Variants in TUT4 observed in about 807,000 individuals in gnomAD.
The protein encoded by TUT4 is terminal uridylyl transferase 4.
In TUT4, 36 loss-of-function variants were observed where a neutral mutation model predicts 192.2. The ratio of observed to expected loss-of-function variants is 0.19; its 90% confidence interval spans 0.14 to 0.25. The LOEUF (loss-of-function observed/expected upper bound fraction) is 0.25. Among genes scored for constraint, TUT4 ranks in the 10% least tolerant of loss-of-function variants. The pLI is 1.00. For synonymous variants in TUT4, 618 were observed against 666.0 expected (o/e 0.93, Z 1.11); for missense variants, 1,493 against 1,957.2 (o/e 0.76, Z 4.47).
chr1:52,433,648 G>A (rs1031781983), intron 27 of TUT4: 1 of 152,188 alleles, frequency 6.6e-6, no homozygotes, highest in African/African-American at 2.4e-5. Context: ...GAAAATTAGG[G>A]CAGCATAGAA....
At chr1:52,456,108 A>G (rs1660856073) in intron 20 of TUT4, among the ~76,000 whole-genome samples, 1 of 152,176 alleles carries the variant, frequency 6.6e-6, no homozygotes, top group Non-Finnish European at 1.5e-5. Flanking sequence ...ACTGAGCACT[A>G]AAAAGAAATG....
chr1:52,521,724 G>A (rs1246341515), intron 2 of TUT4, among the ~76,000 whole-genome samples: 1 of 151,922 alleles, frequency 6.6e-6, no homozygotes, highest in Non-Finnish European at 1.5e-5. Flanking sequence ...CCAGCACTTT[G>A]GGAGGCCAAG....
intron 11 of TUT4, among the ~76,000 whole-genome samples, chr1:52,480,603 A>C (rs1382091141): frequency 6.6e-6 from 1 of 152,188 alleles, no homozygotes; most frequent in Non-Finnish European, 1.5e-5. Flanking sequence ...ACAGTGGGAG[A>C]AGTAAGAGCA....
chr1:52,427,466 G>A (rs1650363798), intron 28 of TUT4, among the ~76,000 whole-genome samples: 1 of 152,266 alleles, frequency 6.6e-6, no homozygotes, highest in South Asian at 2.1e-4. Flanking sequence ...GGGGATGGAA[G>A]ACTTCAAATT....
At chr1:52,470,886 T>C (rs1665558293) in intron 14 of TUT4, among the ~76,000 whole-genome samples, 1 of 152,060 alleles carries the variant, frequency 6.6e-6, no homozygotes, top group Non-Finnish European at 1.5e-5. Flanking sequence ...AAACGTTTGC[T>C]GAATAAAGGC....
chr1:52,438,220 CT>C lies in TUT4; in HGVS notation c.3937del (p.Ser1313AlafsTer7). On this transcript the variant is annotated frameshift_variant and splice_region_variant, in exon 25 of 30. Coordinates refer to ENST00000257177, the MANE Select transcript of TUT4 (RefSeq NM_001009881.3). LOFTEE classifies it high-confidence loss of function. ...HYMKDCPKRKSSLLFRLKKKD... is the reference protein window; with the variant it reads ...HYMKDCPKRKXSLLFRLKKKD... ...TGTTGATATATATTCATTTGCCAAC[CT>C]TTTCCTTTTAGGGCAGTCTTTCATG... 6.2e-7 allele frequency: 1 copy of C among 1,607,592 alleles called. No homozygotes were observed.
intron 9 of TUT4, among the ~76,000 whole-genome samples, chr1:52,482,680 C>G (rs1454303023): frequency 6.6e-6 from 1 of 152,134 alleles, no homozygotes; most frequent in African/African-American, 2.4e-5. Context: ...AAAGATCTCC[C>G]CGCTCGGCCT....
intron 20 of TUT4, among the ~76,000 whole-genome samples, chr1:52,451,354 A>C (rs779899371): frequency 2.6e-5 from 4 of 152,204 alleles, no homozygotes; most frequent in African/African-American, 4.8e-5. Flanking sequence ...AATTTTAAAT[A>C]TCATCCAGTG....
At chr1:52,485,570 C>G (rs577438142) in intron 9 of TUT4, among the ~76,000 whole-genome samples, 3 of 152,042 alleles carry the variant, frequency 2.0e-5, no homozygotes, top group African/African-American at 4.8e-5. Flanking sequence ...TATTGTTTTG[C>G]CTTTGTTTTT....
intron 24 of TUT4, among the ~76,000 whole-genome samples, chr1:52,441,314 C>T (rs1454805050): frequency 1.5e-5 from 2 of 135,826 alleles, no homozygotes; most frequent in South Asian, 2.3e-4. Context: ...GACAGAGTGT[C>T]GTTCTGTTGC....
Position 52,518,047 on chromosome 1 carries a change from C to T in TUT4, c.719-1993G>A, listed in dbSNP as rs139007018. Among the ~76,000 whole-genome samples the T allele has an allele frequency of 5.3e-4, 80 of 152,258 alleles. No individual in the cohort carries two copies. In the East Asian group the frequency reaches 0.012, roughly 23 times the overall value. On this transcript the variant is annotated intron_variant, in intron 2 of 29. Transcript: ENST00000257177. ...TAAAACAAAATAATACCAGGCAGAACGTCCTAAATTGTGTTCCAAAAACAA... is the reference window on the plus strand; with the variant it reads ...TAAAACAAAATAATACCAGGCAGAATGTCCTAAATTGTGTTCCAAAAACAA...
At chr1:52,543,079 C>A (rs1331284407) in intron 1 of TUT4, among the ~76,000 whole-genome samples, 1 of 152,128 alleles carries the variant, frequency 6.6e-6, no homozygotes, top group Non-Finnish European at 1.5e-5. Context: ...CTGCTCAACA[C>A]AGTACTGGAA....
In TUT4 at chr1:52,488,512, G is replaced by T. The variant is rs115070996; in HGVS notation, c.1515+397C>A. The stretch of plus-strand genomic sequence containing the variant: ...TGTTATCAATGATTTAGAGGAAAGA[G>T]AATAGCATTCTTAGAGACTGGGGAA... On this transcript the variant is annotated intron_variant, in intron 9 of 29. Transcript: ENST00000257177. 4.6e-3 allele frequency among the ~76,000 whole-genome samples: 705 copies of T among 152,266 alleles called. 2 individuals are homozygous for T. The highest frequency in any genetic ancestry group is 7.7e-3 in the Non-Finnish European group (523 of 68,020).
chr1:52,431,305 T>A lies in TUT4; in HGVS notation c.4419A>T (p.Pro1473=), dbSNP rs1431549004. 1 of 1,614,036 alleles carries A rather than the reference T, an allele frequency of 6.2e-7. No homozygotes were observed. Among genetic ancestry groups the A allele is most frequent in the Non-Finnish European group, 8.5e-7 (1 of 1,179,978 alleles). Residue 1473 remains proline, a synonymous_variant, in exon 28 of 30, where the codon CCA becomes CCT. Coordinates refer to ENST00000257177, the MANE Select transcript of TUT4 (RefSeq NM_001009881.3). Reference sequence around the variant, plus strand: ...GTGGTGACTGGGGAAAGTTATACAGTGGCATCTGGACCTGATGGGGAGGTT... The same window carrying A: ...GTGGTGACTGGGGAAAGTTATACAGAGGCATCTGGACCTGATGGGGAGGTT... The part of the protein sequence containing the change: ...GAQPPHQVQM[P]LYNFPQSPPA...
At chr1:52,486,677 C>T (rs542298357) in intron 9 of TUT4, among the ~76,000 whole-genome samples, 6 of 152,166 alleles carry the variant, frequency 3.9e-5, no homozygotes, top group African/African-American at 7.2e-5. Flanking sequence ...ATGACAAAAA[C>T]GAGACATGTT....
intron 1 of TUT4, among the ~76,000 whole-genome samples, chr1:52,540,514 CAA>C (rs541547657): frequency 7.1e-5 from 8 of 112,962 alleles, no homozygotes; most frequent in Middle Eastern, 5.4e-3. Flanking sequence ...GACTCCGACT[CAA>C]AAAAAAAAAA....
chr1:52,525,807 T>C lies in TUT4; in HGVS notation c.474A>G (p.Ala158=). Residue 158 remains alanine, a synonymous_variant, in exon 2 of 30, where the codon GCA becomes GCG. Coordinates refer to ENST00000257177, the MANE Select transcript of TUT4 (RefSeq NM_001009881.3). ...MKSEKVPSSP[A]EAEKGPSLLL... Reference sequence around the variant, plus strand: ...GTAAACTGGGTCCCTTTTCTGCTTCTGCTGGTGAACTTGGTACTTTTTCTG... The same window carrying C: ...GTAAACTGGGTCCCTTTTCTGCTTCCGCTGGTGAACTTGGTACTTTTTCTG... 1 of 1,614,222 alleles carries C rather than the reference T, an allele frequency of 6.2e-7. No homozygotes were observed. Among genetic ancestry groups the C allele is most frequent in the Non-Finnish European group, 8.5e-7 (1 of 1,180,038 alleles).
chr1:52,475,100 G>A lies in TUT4; in HGVS notation c.2459C>T (p.Ala820Val), dbSNP rs1432592241. ...PKLDKKQDDL[A>V]PSETCLKKEL... Reference sequence around the variant, plus strand: ...TTTTTTTAAACAAGTTTCTGAAGGCGCTAAATCATCTTGTTTCTTATCTAA... The same window carrying A: ...TTTTTTTAAACAAGTTTCTGAAGGCACTAAATCATCTTGTTTCTTATCTAA... The change falls in exon 13 of 30, where the codon GCG (alanine) becomes GTG (valine). Residue 820 changes from alanine to valine, a missense_variant. Around this residue, in one of 7 missense-constraint regions of TUT4, gnomAD observed 245 missense variants for 218.4 expected, o/e 1.12. Coordinates refer to ENST00000257177, the MANE Select transcript of TUT4 (RefSeq NM_001009881.3). The A allele has an allele frequency of 6.2e-6, 10 of 1,614,108 alleles. No homozygotes were observed. Among genetic ancestry groups the A allele is most frequent in the Admixed American group, 1.7e-5 (1 of 60,014 alleles).
chr1:52,549,706 A>G (rs1401123007), intron 1 of TUT4, among the ~76,000 whole-genome samples: 1 of 152,190 alleles, frequency 6.6e-6, no homozygotes, highest in Admixed American at 6.5e-5. Context: ...TTGAAATCTA[A>G]TTCTATGATC....
Sources: allele counts gnomAD v4.1 joint callset (sites outside exome capture counted in the v4.1 genomes callset), GRCh38; gene constraint gnomAD v4.1.1; regional missense constraint gnomAD v4.1.1; transcripts MANE v1.5; gene names NCBI Gene and HGNC (gene_info 2026-07-23, HGNC 2026-07-21).